Variants in DOCK1 observed in about 807,000 individuals in gnomAD.
DOCK1 encodes dedicator of cytokinesis 1.
A neutral mutation model predicts 262.7 loss-of-function variants in DOCK1; 138 were observed. That is an observed-to-expected ratio of 0.53 (90% CI 0.46 to 0.61). The LOEUF is 0.61. DOCK1 is among the 20% of genes least tolerant of loss of function. DOCK1 has a pLI of 0.00. For synonymous variants in DOCK1, 866 were observed against 867.4 expected, an observed-to-expected ratio of 1.00 and a Z score of 0.03; for missense variants, 1,908 against 2,370.7, an observed-to-expected ratio of 0.80 and a Z score of 4.05.
intron 46 of DOCK1, among the ~76,000 whole-genome samples, chr10:127,422,729 A>T (rs567635063): frequency 2.0e-5 from 3 of 152,338 alleles, no homozygotes; most frequent in African/African-American, 7.2e-5. Flanking sequence ...GAGAGAGTTT[A>T]AAATTGTGAA....
At chr10:126,941,661 A>C (rs2035010616) in intron 1 of DOCK1, among the ~76,000 whole-genome samples, 1 of 152,124 alleles carries the variant, frequency 6.6e-6, no homozygotes, top group African/African-American at 2.4e-5. Context: ...AGGCTGAGGC[A>C]GGAGAATGGC....
chr10:127,402,687 T>A (rs1282882646), intron 38 of DOCK1: 1 of 525,920 alleles, frequency 1.9e-6, no homozygotes. Context: ...CCACAGCCTC[T>A]CTTCACCCTA....
At position 127,121,334 on chromosome 10, in the gene DOCK1, AT is replaced by A. The variant is rs202095983; in HGVS notation, c.2624-4139del. On this transcript the variant is annotated intron_variant, in intron 25 of 51. Transcript: ENST00000623213. ...AACCTGTAGAAATGACATTTTGTCC[AT>A]GGGAAAAGTATTCAGGACATTTAGG... Among the ~76,000 whole-genome samples, 1,155 of 151,298 alleles carry A rather than the reference AT, an allele frequency of 7.6e-3. 16 individuals carry two copies. Among genetic ancestry groups the A allele is most frequent in the African/African-American group, 0.027 (1,106 of 41,176 alleles).
At position 127,434,682 on chromosome 10, in the gene DOCK1, C is replaced by T. The variant is rs539976127; in HGVS notation, c.5060+1254C>T. On this transcript the variant is annotated intron_variant, in intron 48 of 51. Coordinates refer to ENST00000623213, the MANE Select transcript of DOCK1 (RefSeq NM_001290223.2). The stretch of plus-strand genomic sequence containing the variant: ...TTTTTTTTTTTTTTTGAGACGGAGT[C>T]TCCCTCTGTCGCCCAGGCTGAGTGC... Among the ~76,000 whole-genome samples the T allele has an allele frequency of 2.0e-3, 290 of 147,878 alleles. 2 individuals are homozygous for T. Among genetic ancestry groups the T allele is most frequent in the Non-Finnish European group, 3.7e-3 (246 of 67,360 alleles).
chr10:127,446,392 T>G lies in DOCK1; in HGVS notation c.5414-1002T>G, dbSNP rs1461261037. On this transcript the variant is annotated intron_variant, in intron 50 of 51. Transcript: ENST00000623213. This position sits in a 1 kb window ranked among gnomAD's most constrained non-coding sequence, Gnocchi z 4.4. Reference sequence around the variant, plus strand: ...TTTCAGAAATACATCATGGTGATGGTTATCCCCCACGGTCGATGTGATTAA... The same window carrying G: ...TTTCAGAAATACATCATGGTGATGGGTATCCCCCACGGTCGATGTGATTAA... Among the ~76,000 whole-genome samples the G allele has an allele frequency of 6.6e-6, 1 of 152,184 alleles. No individual in the cohort carries two copies. Among genetic ancestry groups the G allele is most frequent in the East Asian group, 1.9e-4 (1 of 5,198 alleles).
intron 31 of DOCK1, among the ~76,000 whole-genome samples, chr10:127,353,066 G>C (rs1003191809): frequency 6.6e-6 from 1 of 152,090 alleles, no homozygotes; most frequent in African/African-American, 2.4e-5. Flanking sequence ...GTTCAGGGGG[G>C]CCACCTCTTT....
intron 29 of DOCK1, among the ~76,000 whole-genome samples, chr10:127,261,885 CTCA>C (rs1395997139): frequency 2.1e-5 from 2 of 94,728 alleles, no homozygotes; most frequent in East Asian, 7.7e-4. Context: ...TGTACCCGTG[CTCA>C]TCTGTGTGTG....
chr10:127,302,741 GGTGTGTGT>G (rs1196456742), intron 29 of DOCK1, among the ~76,000 whole-genome samples: 118 of 108,168 alleles, frequency 1.1e-3, no homozygotes, highest in African/African-American at 4.3e-3. Context: ...GAAAAGAGGG[GGTGTGTGT>G]GTGTGTGTGT....
intron 21 of DOCK1, among the ~76,000 whole-genome samples, chr10:127,052,448 C>T (rs1185902574): frequency 6.6e-6 from 1 of 151,264 alleles, no homozygotes; most frequent in African/African-American, 2.4e-5. Context: ...CACTTGAGCC[C>T]GGAAGGCAGA....
chr10:127,164,030 A>C (rs2053836008), intron 27 of DOCK1, among the ~76,000 whole-genome samples: 1 of 151,882 alleles, frequency 6.6e-6, no homozygotes. Flanking sequence ...ATGCTGGTGG[A>C]TCGTGGCAAA....
At chr10:127,159,888 C>T (rs1006001822) in intron 27 of DOCK1, among the ~76,000 whole-genome samples, 2 of 152,060 alleles carry the variant, frequency 1.3e-5, no homozygotes, top group African/African-American at 4.8e-5. Context: ...GAGCAGGGCA[C>T]GGGAGGGCTG....
chr10:127,071,658 C>T (rs1029164996), intron 23 of DOCK1, among the ~76,000 whole-genome samples: 1 of 152,112 alleles, frequency 6.6e-6, no homozygotes, highest in African/African-American at 2.4e-5. Context: ...GGCTGTATGC[C>T]AGTTCAGAAC....
At chr10:127,384,664 G>T in intron 37 of DOCK1, 126 bp from the exon 38 acceptor site, 1 of 1,205,216 alleles carries the variant, frequency 8.3e-7, no homozygotes, top group East Asian at 3.0e-5. Context: ...TCCCCAGCCT[G>T]TTGACAGCAG....
At chr10:127,028,428 G>A (rs571448335) in intron 16 of DOCK1, among the ~76,000 whole-genome samples, 15 of 152,186 alleles carry the variant, frequency 9.9e-5, no homozygotes, top group African/African-American at 3.1e-4. Context: ...ATTCGTCCTC[G>A]CAAGATTCCC....
chr10:127,203,911 T>C (rs1207398458), intron 27 of DOCK1, among the ~76,000 whole-genome samples: 2 of 152,194 alleles, frequency 1.3e-5, no homozygotes, highest in Non-Finnish European at 2.9e-5. Context: ...TTTTTTTTTT[T>C]TTGAGATTCA....
chr10:126,990,726 G>C, intron 6 of DOCK1, 123 bp downstream of exon 6: 1 of 1,234,882 alleles, frequency 8.1e-7, no homozygotes, highest in Non-Finnish European at 1.1e-6. Flanking sequence ...CAAAGTAATG[G>C]CATGTTTTTC....
intron 3 of DOCK1, 146 bp downstream of exon 3, chr10:126,978,134 C>G (rs767175668): frequency 1.3e-6 from 1 of 780,444 alleles, no homozygotes; most frequent in African/African-American, 1.7e-5. Flanking sequence ...GGAATGTGAA[C>G]GAGCTTGGAT....
At chr10:127,081,679 G>GA (rs1031270978) in intron 23 of DOCK1, among the ~76,000 whole-genome samples, 1 of 152,154 alleles carries the variant, frequency 6.6e-6, no homozygotes, top group African/African-American at 2.4e-5. Flanking sequence ...AAGGCTAGGG[G>GA]AAAATGCCTG....
chr10:126,965,932 A>G (rs2037640025), intron 1 of DOCK1, among the ~76,000 whole-genome samples: 1 of 152,132 alleles, frequency 6.6e-6, no homozygotes, highest in African/African-American at 2.4e-5. Flanking sequence ...AACTATAGTC[A>G]TCCTAAGGAG....
Sources: allele counts gnomAD v4.1 joint callset (sites outside exome capture counted in the v4.1 genomes callset), GRCh38; gene constraint gnomAD v4.1.1; non-coding constraint Gnocchi (gnomAD v3.1); transcripts MANE v1.5; gene names NCBI Gene and HGNC (gene_info 2026-07-23, HGNC 2026-07-21).